Variants in CCSER1 observed in about 807,000 individuals in gnomAD.
CCSER1 encodes serine-rich coiled-coil domain-containing protein 1.
CCSER1 carries 41 observed loss-of-function variants against 82.0 expected under a neutral mutation model. The ratio of observed to expected loss-of-function variants is 0.50; its 90% confidence interval spans 0.39 to 0.65. The LOEUF (loss-of-function observed/expected upper bound fraction) is 0.65, where lower values mean the gene tolerates loss of function less well. Among genes scored for constraint, CCSER1 ranks in the 30% least tolerant of loss-of-function variants. The probability of loss-of-function intolerance (pLI) is 0.00; values close to 1 mark genes in which losing one functional copy is unlikely to be tolerated. For missense variants in CCSER1, 1,119 were observed against 1,064.2 expected, an observed-to-expected ratio of 1.05 and a Z score of -0.72; for synonymous variants, 414 against 383.9, an observed-to-expected ratio of 1.08 and a Z score of -0.92.
At chr4:90,908,396 G>C (rs1250303903) in intron 8 of CCSER1, among the ~76,000 whole-genome samples, 1 of 152,026 alleles carries the variant, frequency 6.6e-6, no homozygotes, top group Non-Finnish European at 1.5e-5. Context: ...GTGTTAATAT[G>C]AGATGAAGGT....
chr4:90,488,659 T>C (rs1465330667), intron 5 of CCSER1, among the ~76,000 whole-genome samples: 1 of 152,176 alleles, frequency 6.6e-6, no homozygotes. Context: ...ATGAAAATAA[T>C]TTGTTTAGCC....
intron 9 of CCSER1, among the ~76,000 whole-genome samples, chr4:91,076,460 T>G (rs895150710): frequency 5.9e-5 from 9 of 152,166 alleles, no homozygotes; most frequent in African/African-American, 2.2e-4. Flanking sequence ...TGTAATACAT[T>G]AAACATTTTG....
At chr4:91,527,613 A>T (rs910670140) in intron 10 of CCSER1, among the ~76,000 whole-genome samples, 2 of 152,246 alleles carry the variant, frequency 1.3e-5, no homozygotes, top group East Asian at 3.8e-4. Context: ...GGAGACAGAT[A>T]TAACAGTGAC....
At chr4:90,132,785 T>A (rs960566043) in intron 1 of CCSER1, among the ~76,000 whole-genome samples, 3 of 152,234 alleles carry the variant, frequency 2.0e-5, no homozygotes, top group African/African-American at 7.2e-5. Context: ...TGGTTTTGCA[T>A]CATTTACACT....
At chr4:90,905,818 G>T (rs963126570) in intron 8 of CCSER1, among the ~76,000 whole-genome samples, 14 of 152,222 alleles carry the variant, frequency 9.2e-5, no homozygotes, top group South Asian at 8.3e-4. Context: ...TCCTACTCAG[G>T]AGTTGGACTC....
chr4:90,713,038 T>C (rs1740948320), intron 6 of CCSER1, among the ~76,000 whole-genome samples: 1 of 152,044 alleles, frequency 6.6e-6, no homozygotes, highest in Non-Finnish European at 1.5e-5. Context: ...TATGTTTGTC[T>C]TTGCACATGA....
chr4:90,281,046 A>G (rs555395466), intron 1 of CCSER1, among the ~76,000 whole-genome samples: 39 of 152,168 alleles, frequency 2.6e-4, no homozygotes, highest in Non-Finnish European at 4.3e-4. Context: ...TTTAAACACA[A>G]TGGTCTCATT....
intron 3 of CCSER1, among the ~76,000 whole-genome samples, chr4:90,349,512 T>G (rs893726207): frequency 1.3e-5 from 2 of 152,130 alleles, no homozygotes; most frequent in Non-Finnish European, 2.9e-5. Flanking sequence ...AACAAATTCA[T>G]TTCTCAGAAT....
intron 5 of CCSER1, among the ~76,000 whole-genome samples, chr4:90,612,830 C>G (rs184465132): frequency 6.6e-6 from 1 of 152,218 alleles, no homozygotes; most frequent in East Asian, 1.9e-4. Context: ...AGTCTCTTAT[C>G]AGACACCAGC....
chr4:90,732,208 A>G (rs1744886568), intron 7 of CCSER1, among the ~76,000 whole-genome samples: 1 of 152,120 alleles, frequency 6.6e-6, no homozygotes, highest in South Asian at 2.1e-4. Context: ...CCACAGGAAA[A>G]GAAAGGGAAA....
chr4:91,025,212 A>G (rs553071025), intron 9 of CCSER1, among the ~76,000 whole-genome samples: 10 of 152,296 alleles, frequency 6.6e-5, no homozygotes, highest in South Asian at 6.2e-4. Flanking sequence ...TATGGTGTCC[A>G]GCCTGGGAGT....
chr4:90,308,657 A>G lies in CCSER1; in HGVS notation c.373A>G (p.Lys125Glu), dbSNP rs762317458. Reference sequence around the variant, plus strand: ...TGTTGGTTTTAGTAGTTCACGAAATAAGAAGATAACAAGATCTTTGACAGA... The same window carrying G: ...TGTTGGTTTTAGTAGTTCACGAAATGAGAAGATAACAAGATCTTTGACAGA... ...HSVGFSSSRN[K>E]KITRSLTEDF... Residue 125 changes from lysine to glutamate, a missense_variant, in exon 2 of 11, where the codon AAG becomes GAG. Coordinates refer to ENST00000509176, the MANE Select transcript of CCSER1 (RefSeq NM_001145065.2). 38 of 1,613,602 alleles carry G rather than the reference A, an allele frequency of 2.4e-5. No homozygotes were observed. Among genetic ancestry groups the G allele is most frequent in the Middle Eastern group, 1.6e-4 (1 of 6,082 alleles).
At chr4:91,360,086 C>A (rs1314035209) in intron 10 of CCSER1, among the ~76,000 whole-genome samples, 1 of 151,770 alleles carries the variant, frequency 6.6e-6, no homozygotes, top group Non-Finnish European at 1.5e-5. Context: ...AAATAACATT[C>A]ATTATGATTA....
chr4:91,178,080 T>C (rs1416030234), intron 10 of CCSER1, among the ~76,000 whole-genome samples: 1 of 152,232 alleles, frequency 6.6e-6, no homozygotes, highest in Non-Finnish European at 1.5e-5. Flanking sequence ...CCAGTAGTCA[T>C]TCAGGAGCAG....
Position 90,527,453 on chromosome 4 carries a change from G to A in CCSER1, c.1724+59099G>A, listed in dbSNP as rs183540228. Among the ~76,000 whole-genome samples the A allele has an allele frequency of 3.9e-3, 591 of 151,674 alleles. 2 individuals carry two copies. Among genetic ancestry groups the A allele is most frequent in the African/African-American group, 4.7e-3 (195 of 41,358 alleles). On this transcript the variant is annotated intron_variant, in intron 5 of 10. Transcript: ENST00000509176. ...AAGGCTTTTTTATGAGAGATAAGTG[G>A]GAGAAATAACACAAAAATATCATCC...
chr4:90,926,114 T>G (rs934941189), intron 9 of CCSER1, among the ~76,000 whole-genome samples: 1 of 152,046 alleles, frequency 6.6e-6, no homozygotes, highest in Non-Finnish European at 1.5e-5. Context: ...TTTTTAATAT[T>G]TTATATGCAA....
intron 5 of CCSER1, among the ~76,000 whole-genome samples, chr4:90,481,353 A>G (rs1165347594): frequency 2.6e-5 from 4 of 152,126 alleles, no homozygotes; most frequent in Non-Finnish European, 5.9e-5. Flanking sequence ...CTAATTGAAT[A>G]CCCTCTATTT....
At chr4:90,804,127 G>A (rs1207696025) in intron 7 of CCSER1, among the ~76,000 whole-genome samples, 1 of 152,048 alleles carries the variant, frequency 6.6e-6, no homozygotes, top group Non-Finnish European at 1.5e-5. Flanking sequence ...TTGTCAGATG[G>A]ATAGACTGCA....
intron 8 of CCSER1, among the ~76,000 whole-genome samples, chr4:90,818,302 A>C (rs1580628293): frequency 1.3e-5 from 2 of 148,664 alleles, no homozygotes; most frequent in East Asian, 3.9e-4. Flanking sequence ...TTTAAGATAG[A>C]ATCTTGCTCT....
Sources: allele counts gnomAD v4.1 joint callset (sites outside exome capture counted in the v4.1 genomes callset), GRCh38; gene constraint gnomAD v4.1.1; transcripts MANE v1.5; gene names NCBI Gene and HGNC (gene_info 2026-07-23, HGNC 2026-07-21).